The following IFIT1 variants were observed in gnomAD, a reference collection of about 807,000 sequenced individuals.
The protein encoded by IFIT1 is interferon induced protein with tetratricopeptide repeats 1, also known as antiviral innate immune response effector IFIT1.
A neutral mutation model predicts 2.5 loss-of-function variants in IFIT1; 1 was observed. The ratio of observed to expected loss-of-function variants is 0.40; its 90% CI spans 0.14 to 1.92. The LOEUF (loss-of-function observed/expected upper bound fraction) is 1.92, where lower values mean the gene tolerates loss of function less well. IFIT1 is among the 40% of genes most tolerant of loss of function. The pLI is 0.31. For synonymous variants in IFIT1, 191 were observed against 201.7 expected (o/e 0.95, Z 0.45); for missense variants, 508 against 557.8 (o/e 0.91, Z 0.90).
intron 1 of IFIT1, among the ~76,000 whole-genome samples, chr10:89,399,145 T>G (rs1844386327): frequency 6.6e-6 from 1 of 152,228 alleles, no homozygotes; most frequent in South Asian, 2.1e-4. Context: ...CATCTTTGCA[T>G]ATGTTTATTG....
chr10:89,403,182 A>G lies in IFIT1; in HGVS notation c.907A>G (p.Lys303Glu). Residue 303 changes from lysine to glutamate, a missense_variant, in exon 2 of 2, where the codon AAG (lysine) becomes GAG (glutamate). Lys to Glu is a moderately conservative substitution (Grantham distance 56). Coordinates refer to ENST00000371804, the MANE Select transcript of IFIT1 (RefSeq NM_001548.5). ...CTACAAGGCACAAATGATCCAAATC[A>G]AGGAGGCTACAAAAGGGCAGCCTAG... ...LCYKAQMIQI[K>E]EATKGQPRGQ... is the part of the protein sequence containing the mutation. The G allele has an allele frequency of 6.2e-7, 1 of 1,614,044 alleles. No individual in the cohort carries two copies. Among genetic ancestry groups the G allele is most frequent in the Non-Finnish European group, 8.5e-7 (1 of 1,179,950 alleles).
In IFIT1 at chr10:89,403,799, C is replaced by G; in HGVS notation, c.*87C>G. On this transcript the variant is annotated 3_prime_UTR_variant, in exon 2 of 2. Coordinates refer to ENST00000371804, the MANE Select transcript of IFIT1 (RefSeq NM_001548.5). ...CTTTTCTGCTTACTGTTTTCAGAAA[C>G]ATTATAATTCACTGTAATGATGTAA... 1.4e-6 allele frequency: 1 copy of G among 722,416 alleles called. No homozygotes were observed. The highest frequency in any genetic ancestry group is 2.3e-6 in the Non-Finnish European group (1 of 439,676). 44.8% of individuals were successfully genotyped at this position (722,416 alleles called of 1,614,324 possible).
chr10:89,403,053 T>G lies in IFIT1; in HGVS notation c.778T>G (p.Phe260Val), dbSNP rs1201600234. ...CTATGTCTTTCGATATGCAGCCAAG[T>G]TTTACCGAAGAAAAGGCTCTGTGGA... The part of the protein sequence containing the change: ...QTYVFRYAAK[F>V]YRRKGSVDKA... The change falls in exon 2 of 2, where the codon TTT (phenylalanine) becomes GTT (valine). Residue 260 changes from phenylalanine (F) to valine (V), a missense_variant. By Grantham distance (50) the Phe-to-Val change is conservative. Coordinates refer to ENST00000371804, the MANE Select transcript of IFIT1 (RefSeq NM_001548.5). 6 of 1,614,098 alleles carry G rather than the reference T, an allele frequency of 3.7e-6. No individual in the cohort carries two copies. The highest frequency in any genetic ancestry group is 5.1e-6 in the Non-Finnish European group (6 of 1,180,046).
chr10:89,403,039 G>T lies in IFIT1; in HGVS notation c.764G>T (p.Arg255Leu), dbSNP rs1028095621. The change falls in exon 2 of 2, where the codon CGA (arginine) becomes CTA (leucine). Residue 255 changes from arginine to leucine, a missense_variant. Coordinates refer to ENST00000371804, the MANE Select transcript of IFIT1 (RefSeq NM_001548.5). The part of the protein sequence containing the change: ...ANMSSQTYVF[R>L]YAAKFYRRKG... ...ATGTCCTCACAGACCTATGTCTTTC[G>T]ATATGCAGCCAAGTTTTACCGAAGA... is the stretch of plus-strand genomic sequence containing the variant. The T allele has an allele frequency of 6.2e-7, 1 of 1,614,180 alleles. No individual in the cohort carries two copies.
At chr10:89,393,252 T>C in intron 1 of IFIT1, 1 of 1,289,878 alleles carries the variant, frequency 7.8e-7, no homozygotes, top group Non-Finnish European at 1.0e-6. Flanking sequence ...TCTCACTTTC[T>C]GCACTGCTGG....
At chr10:89,393,949 C>A (rs556794526) in intron 1 of IFIT1, among the ~76,000 whole-genome samples, 4 of 152,052 alleles carry the variant, frequency 2.6e-5, no homozygotes, top group Admixed American at 6.6e-5. Flanking sequence ...TTCTTGAATT[C>A]GTATTAAGTG....
chr10:89,393,139 A>G, intron 1 of IFIT1: 1 of 1,292,340 alleles, frequency 7.7e-7, no homozygotes, highest in South Asian at 1.2e-5. Context: ...CAGGACCCAC[A>G]AGAATGTGAA....
At chr10:89,393,076 C>A in intron 1 of IFIT1, 3 of 1,185,494 alleles carry the variant, frequency 2.5e-6, no homozygotes, top group Non-Finnish European at 3.3e-6. Context: ...GAATGGACAG[C>A]TTGTCTGAGT....
At chr10:89,398,075 T>G (rs1421795053) in intron 1 of IFIT1, among the ~76,000 whole-genome samples, 3 of 152,088 alleles carry the variant, frequency 2.0e-5, no homozygotes, top group Non-Finnish European at 4.4e-5. Flanking sequence ...CATTTCCTAT[T>G]CCCTCCTCCC....
At chr10:89,402,200 T>C in intron 1 of IFIT1, 81 bp from the exon 2 acceptor site, 1 of 875,630 alleles carries the variant, frequency 1.1e-6, no homozygotes, top group Non-Finnish European at 1.8e-6. Flanking sequence ...GGATAAGCAC[T>C]AAAATACAAG....
At chr10:89,400,004 G>A (rs536767197) in intron 1 of IFIT1, among the ~76,000 whole-genome samples, 45 of 152,278 alleles carry the variant, frequency 3.0e-4, no homozygotes, top group African/African-American at 1.0e-3. Context: ...CTCGAGAACT[G>A]TAAGAAAATA....
In IFIT1 at chr10:89,402,604, G is replaced by T. The variant is rs760800361; in HGVS notation, c.329G>T (p.Arg110Ile). The change falls in exon 2 of 2, where the codon AGA becomes ATA. Residue 110 changes from arginine (R) to isoleucine (I), a missense_variant. Arg to Ile is a moderately conservative substitution (Grantham distance 97, BLOSUM62 -3). Transcript: ENST00000371804. ...GCCTGGATGTATTACCACATGGGCA[G>T]ACTGGCAGAAGCCCAGACTTACCTG... ...NFAWMYYHMG[R>I]LAEAQTYLDK... 5.0e-6 allele frequency: 8 copies of T among 1,614,102 alleles called. No homozygotes were observed. The highest frequency in any genetic ancestry group is 1.7e-5 in the Admixed American group (1 of 60,008).
chr10:89,400,177 AGCTGTGTAGTAAGTT>A (rs1256801386), intron 1 of IFIT1, among the ~76,000 whole-genome samples: 38 of 152,302 alleles, frequency 2.5e-4, no homozygotes, highest in Middle Eastern at 3.4e-3. Context: ...TGATTACTGT[AGCTGTGTAGTAAGTT>A]TTGAAATCAG....
At position 89,399,171 on chromosome 10, in the gene IFIT1, T is replaced by G. The variant is rs1702023335; in HGVS notation, c.6-3110T>G. On this transcript the variant is annotated intron_variant, in intron 1 of 1. Coordinates refer to ENST00000371804, the MANE Select transcript of IFIT1 (RefSeq NM_001548.5). ...ATGTTTATTGGCCATTTGTATATTT[T>G]CTTTTGGGAAATGTCTATTTAAGTC... is the stretch of plus-strand genomic sequence containing the variant. Among the ~76,000 whole-genome samples, 4 of 152,342 alleles carry G rather than the reference T, an allele frequency of 2.6e-5. No individual in the cohort carries two copies. In the South Asian group the frequency reaches 8.3e-4, roughly 32 times the overall value.
Position 89,405,717 on chromosome 10 carries a change from CCTT to C in IFIT1, c.*2008_*2010del, listed in dbSNP as rs1844518856. ...TCTCTCTGCTTCCTTCTTCACATCT[CCTT>C]CTCTCCTCTGACTCTTTTGCCTCTT... On this transcript the variant is annotated 3_prime_UTR_variant, in exon 2 of 2. Coordinates refer to ENST00000371804, the MANE Select transcript of IFIT1 (RefSeq NM_001548.5). 1 of 152,236 alleles carries C rather than the reference CCTT, an allele frequency of 6.6e-6. No homozygotes were observed. The highest frequency in any genetic ancestry group is 1.5e-5 in the Non-Finnish European group (1 of 68,060). 9.4% of individuals were successfully genotyped at this position (152,236 alleles called of 1,614,324 possible).
rs1323654293 is a variant in IFIT1, at chr10:89,402,629, G to A, written c.354G>A (p.Leu118=). 2 of 1,614,216 alleles carry A rather than the reference G, an allele frequency of 1.2e-6. No homozygotes were observed. The highest frequency in any genetic ancestry group is 3.3e-5 in the Admixed American group (2 of 60,024). The change falls in exon 2 of 2, where the codon CTG becomes CTA. Residue 118 remains leucine (L), a synonymous_variant. Coordinates refer to ENST00000371804, the MANE Select transcript of IFIT1 (RefSeq NM_001548.5). ...MGRLAEAQTY[L]DKVENICKKL... Reference sequence around the variant, plus strand: ...GACTGGCAGAAGCCCAGACTTACCTGGACAAGGTGGAGAACATTTGCAAGA... The same window carrying A: ...GACTGGCAGAAGCCCAGACTTACCTAGACAAGGTGGAGAACATTTGCAAGA...
In IFIT1 at chr10:89,403,161, A is replaced by G. The variant is rs1484362092; in HGVS notation, c.886A>G (p.Lys296Glu). ...GCATCACCAGATAGGGCTTTGCTAC[A>G]AGGCACAAATGATCCAAATCAAGGA... is the stretch of plus-strand genomic sequence containing the variant. ...LLHHQIGLCY[K>E]AQMIQIKEAT... The change falls in exon 2 of 2, where the codon AAG becomes GAG. Residue 296 changes from lysine to glutamate, a missense_variant. Physicochemically the swap from Lys to Glu is moderately conservative, Grantham distance 56 (BLOSUM62 1). Coordinates refer to ENST00000371804, the MANE Select transcript of IFIT1 (RefSeq NM_001548.5). 6.2e-7 allele frequency: 1 copy of G among 1,613,930 alleles called. No homozygotes were observed. The highest frequency in any genetic ancestry group is 2.2e-5 in the East Asian group (1 of 44,888).
chr10:89,395,964 A>C (rs975727105), intron 1 of IFIT1, among the ~76,000 whole-genome samples: 1 of 152,088 alleles, frequency 6.6e-6, no homozygotes, highest in Admixed American at 6.5e-5. Context: ...GATATATTAC[A>C]TTTTTTTATC....
chr10:89,399,410 C>A (rs1844389466), intron 1 of IFIT1, among the ~76,000 whole-genome samples: 1 of 152,096 alleles, frequency 6.6e-6, no homozygotes, highest in Non-Finnish European at 1.5e-5. Flanking sequence ...ACTGTTATTG[C>A]CTGTGATTTT....
Sources: gnomAD v4.1 joint callset for allele counts (sites outside exome capture counted in the v4.1 genomes callset) on GRCh38, gnomAD v4.1.1 for gene constraint, MANE v1.5 for transcripts, NCBI Gene and HGNC (gene_info 2026-07-23, HGNC 2026-07-21) for gene names.